The following CDKL5 variants were observed in gnomAD, a reference collection of about 807,000 sequenced individuals.
CDKL5 encodes the protein cyclin dependent kinase like 5.
CDKL5 carries 8 observed loss-of-function variants against 61.7 expected under a neutral mutation model. The observed-to-expected ratio is 0.13, with a 90% CI of 0.08 to 0.23. CDKL5 has a LOEUF of 0.23. Ranked by LOEUF, CDKL5 falls within the 10% of genes least tolerant of loss-of-function variation. CDKL5 has a pLI of 1.00. For synonymous variants in CDKL5, 275 were observed against 272.3 expected (o/e 1.01, Z -0.10); for missense variants, 440 against 734.5 (o/e 0.60, Z 4.63).
chrX:18,434,562 A>C (rs1413553344), intron 1 of CDKL5, among the ~76,000 whole-genome samples: 2 of 112,090 alleles, frequency 1.8e-5, no homozygotes. Flanking sequence ...TATATAAATA[A>C]TATATATTGT....
intron 3 of CDKL5, among the ~76,000 whole-genome samples, chrX:18,557,922 C>T (rs982868906): frequency 1.7e-4 from 19 of 111,310 alleles, no homozygotes; most frequent in African/African-American, 5.5e-4. Flanking sequence ...ACTGTAGGCT[C>T]TCCAGATATT....
intron 3 of CDKL5, chrX:18,535,236 A>C (rs1923779578): frequency 8.3e-6 from 1 of 120,797 alleles, no homozygotes; most frequent in Non-Finnish European, 1.8e-5. Context: ...TGAACACTCA[A>C]CAGCCTGGTT....
intron 1 of CDKL5, among the ~76,000 whole-genome samples, chrX:18,476,519 C>T (rs1921318097): frequency 9.0e-6 from 1 of 111,250 alleles, no homozygotes; most frequent in African/African-American, 3.3e-5. Context: ...ACCCAGCATC[C>T]CTCTTTACCT....
At chrX:18,521,030 C>T (rs949685235) in intron 3 of CDKL5, among the ~76,000 whole-genome samples, 2 of 112,453 alleles carry the variant, frequency 1.8e-5, no homozygotes, top group South Asian at 7.3e-4. Context: ...TGAGCCACCA[C>T]GCCTGGCCAC....
intron 1 of CDKL5, among the ~76,000 whole-genome samples, chrX:18,452,654 C>T (rs1182220840): frequency 9.2e-6 from 1 of 109,032 alleles, no homozygotes; most frequent in Non-Finnish European, 1.9e-5. Context: ...TATTCTTTTT[C>T]TGTGTTTCTC....
intron 3 of CDKL5, among the ~76,000 whole-genome samples, chrX:18,519,585 T>A (rs930163738): frequency 9.0e-6 from 1 of 111,700 alleles, no homozygotes; most frequent in African/African-American, 3.3e-5. Context: ...CTCTTTCACG[T>A]GTCAACTGTC....
intron 3 of CDKL5, among the ~76,000 whole-genome samples, chrX:18,529,182 T>C (rs1923554017): frequency 9.3e-6 from 1 of 108,069 alleles, no homozygotes. Flanking sequence ...TACTTGTTTT[T>C]ACTTTTTTTT....
chrX:18,570,208 G>T (rs1925094294), intron 4 of CDKL5, among the ~76,000 whole-genome samples: 1 of 111,363 alleles, frequency 9.0e-6, no homozygotes. Context: ...GAAACAAAAA[G>T]TCCAACCCTT....
chrX:18,619,103 C>G (rs1442674572), intron 15 of CDKL5, among the ~76,000 whole-genome samples: 1 of 108,259 alleles, frequency 9.2e-6, no homozygotes, highest in Non-Finnish European at 1.9e-5. Flanking sequence ...TCAGTGGTAT[C>G]AAGCTTAATG....
chrX:18,518,783 G>A (rs1234902084), intron 3 of CDKL5, among the ~76,000 whole-genome samples: 1 of 108,705 alleles, frequency 9.2e-6, no homozygotes, highest in Admixed American at 9.8e-5. Flanking sequence ...TGACATGATA[G>A]TGTGAAACCT....
intron 20 of CDKL5, chrX:18,650,135 T>A (rs942220374): frequency 5.0e-6 from 2 of 398,036 alleles, no homozygotes; most frequent in African/African-American, 2.5e-5. Flanking sequence ...TCTTCCCAAA[T>A]AGCTCATCTA....
intron 15 of CDKL5, 59 bp from the exon 16 acceptor site, chrX:18,619,808 C>T (rs1202142182): frequency 7.6e-6 from 6 of 785,999 alleles, no homozygotes; most frequent in Non-Finnish European, 1.1e-5. Context: ...TTATATTTGT[C>T]ACACAATGGC....
At chrX:18,465,333 G>A (rs1412586055) in intron 1 of CDKL5, among the ~76,000 whole-genome samples, 2 of 111,549 alleles carry the variant, frequency 1.8e-5, no homozygotes, top group African/African-American at 3.3e-5. Flanking sequence ...CTTCAAGGAC[G>A]TCTTGTTTGC....
intron 3 of CDKL5, among the ~76,000 whole-genome samples, chrX:18,532,578 A>T (rs981814407): frequency 3.6e-5 from 4 of 112,042 alleles, no homozygotes; most frequent in African/African-American, 1.3e-4. Context: ...TTTATTTTCA[A>T]TTAACCTTGA....
intron 1 of CDKL5, among the ~76,000 whole-genome samples, chrX:18,502,814 C>T (rs1922434525): frequency 8.9e-6 from 1 of 112,035 alleles, no homozygotes; most frequent in Admixed American, 9.5e-5. Context: ...ACCCTCAAAG[C>T]CTAGTGCTCT....
chrX:18,582,606 C>A (rs939195261), intron 7 of CDKL5, among the ~76,000 whole-genome samples: 1 of 111,265 alleles, frequency 9.0e-6, no homozygotes, highest in African/African-American at 3.3e-5. Context: ...TTTGCCTAAC[C>A]TGTATGCTGA....
At chrX:18,649,971 C>T (rs1569231209) in intron 20 of CDKL5, 2 of 189,319 alleles carry the variant, frequency 1.1e-5, no homozygotes, top group East Asian at 1.3e-4. Flanking sequence ...TTGTTTTCCA[C>T]CCCCACCCGC....
At chrX:18,648,082 A>G (rs183569290) in intron 20 of CDKL5, among the ~76,000 whole-genome samples, 330 of 110,826 alleles carry the variant, frequency 3.0e-3, no homozygotes, top group African/African-American at 7.2e-3. Flanking sequence ...CATGCCTGTA[A>G]TCCCAGCTAC....
intron 1 of CDKL5, among the ~76,000 whole-genome samples, chrX:18,480,250 C>G (rs1474996346): frequency 9.0e-6 from 1 of 111,512 alleles, no homozygotes; most frequent in Non-Finnish European, 1.9e-5. Flanking sequence ...TTGAGTAATA[C>G]TGCTTAGGTG....
Sources: gnomAD v4.1 joint callset for allele counts (sites outside exome capture counted in the v4.1 genomes callset) on GRCh38, gnomAD v4.1.1 for gene constraint, MANE v1.5 for transcripts, NCBI Gene and HGNC (gene_info 2026-07-23, HGNC 2026-07-21) for gene names.